The following ASXL3 variants were observed in gnomAD, a reference collection of about 807,000 sequenced individuals.
ASXL3 encodes the protein putative Polycomb group protein ASXL3.
Under a neutral mutation model 170.6 loss-of-function variants are expected in ASXL3, and 34 were observed. The ratio of observed to expected loss-of-function variants is 0.20; its 90% confidence interval spans 0.15 to 0.27. The LOEUF (loss-of-function observed/expected upper bound fraction) is 0.27. Ranked by LOEUF, ASXL3 falls within the 10% of genes least tolerant of loss-of-function variation. ASXL3 has a pLI of 1.00. For missense variants in ASXL3, 2,592 were observed against 2,695.3 expected (o/e 0.96, Z 0.85); for synonymous variants, 1,002 against 989.1 (o/e 1.01, Z -0.24).
intron 2 of ASXL3, among the ~76,000 whole-genome samples, chr18:33,613,676 T>C (rs1426520520): frequency 6.6e-6 from 1 of 152,130 alleles, no homozygotes; most frequent in Non-Finnish European, 1.5e-5. Context: ...CCCAACACTT[T>C]GGGAGGCCAA....
intron 7 of ASXL3, among the ~76,000 whole-genome samples, chr18:33,675,609 A>C (rs1038957769): frequency 3.9e-5 from 6 of 152,170 alleles, no homozygotes; most frequent in Non-Finnish European, 8.8e-5. Context: ...AAAGGATAGA[A>C]AATTCTTCTG....
intron 1 of ASXL3, among the ~76,000 whole-genome samples, chr18:33,593,853 T>C (rs1038531083): frequency 1.7e-4 from 26 of 152,202 alleles, no homozygotes; most frequent in African/African-American, 6.0e-4. Flanking sequence ...AATATTATTA[T>C]AGGTGAGGCT....
intron 8 of ASXL3, among the ~76,000 whole-genome samples, chr18:33,715,255 T>C (rs2067144870): frequency 6.6e-6 from 1 of 152,178 alleles, no homozygotes; most frequent in Admixed American, 6.5e-5. Context: ...CTTCCCAAAT[T>C]CCCTGTTCCT....
chr18:33,636,955 G>A (rs1421460524), intron 2 of ASXL3, among the ~76,000 whole-genome samples: 1 of 151,896 alleles, frequency 6.6e-6, no homozygotes, highest in Non-Finnish European at 1.5e-5. Context: ...TTTCAGATTT[G>A]GGCTACTCAA....
In ASXL3 at chr18:33,738,652, T is replaced by A. The variant is rs753869345; in HGVS notation, c.1248T>A (p.Pro416=). Reference sequence around the variant, plus strand: ...TGAAAAGCCCAGCTTCTCCAGAGCCTGGTTTCTGTGCTACTCTTTGCCCTA... The same window carrying A: ...TGAAAAGCCCAGCTTCTCCAGAGCCAGGTTTCTGTGCTACTCTTTGCCCTA... The part of the protein sequence containing the change: ...KSMKSPASPE[P]GFCATLCPMV... Residue 416 remains proline, a synonymous_variant, in exon 11 of 12, where the codon CCT becomes CCA. Transcript: ENST00000269197. The A allele has an allele frequency of 1.2e-6, 2 of 1,613,844 alleles. No individual in the cohort carries two copies. Among genetic ancestry groups the A allele is most frequent in the South Asian group, 1.1e-5 (1 of 91,090 alleles).
chr18:33,604,159 A>G (rs567269786), intron 1 of ASXL3, among the ~76,000 whole-genome samples: 179 of 152,204 alleles, frequency 1.2e-3, no homozygotes, highest in African/African-American at 4.2e-3. Context: ...AGGAGAAGCA[A>G]TTCACAATAT....
At chr18:33,654,057 T>A (rs2066044278) in intron 4 of ASXL3, among the ~76,000 whole-genome samples, 1 of 152,066 alleles carries the variant, frequency 6.6e-6, no homozygotes, top group African/African-American at 2.4e-5. Flanking sequence ...TGGATTTTGG[T>A]CAATTTTAAC....
intron 7 of ASXL3, among the ~76,000 whole-genome samples, chr18:33,678,487 C>T (rs1306602761): frequency 6.6e-6 from 1 of 152,188 alleles, no homozygotes; most frequent in Admixed American, 6.5e-5. Flanking sequence ...GCAACTTTCA[C>T]AAATTGTGGT....
At chr18:33,681,586 A>G (rs930473819) in intron 7 of ASXL3, among the ~76,000 whole-genome samples, 4 of 151,882 alleles carry the variant, frequency 2.6e-5, no homozygotes, top group Non-Finnish European at 5.9e-5. Flanking sequence ...TTTTTGTTAA[A>G]AATGGTTTTA....
chr18:33,697,001 G>C (rs1476826196), intron 8 of ASXL3, among the ~76,000 whole-genome samples: 1 of 151,988 alleles, frequency 6.6e-6, no homozygotes, highest in Non-Finnish European at 1.5e-5. Context: ...ATTTGTACAG[G>C]GTCAACAGAG....
intron 8 of ASXL3, among the ~76,000 whole-genome samples, chr18:33,690,989 C>G (rs1233137286): frequency 1.3e-5 from 2 of 152,192 alleles, no homozygotes; most frequent in African/African-American, 4.8e-5. Context: ...GTGATTCCCT[C>G]CTGGACTGTC....
In ASXL3 at chr18:33,661,721, A is replaced by C; in HGVS notation, c.461A>C (p.Lys154Thr). 1 of 1,612,904 alleles carries C rather than the reference A, an allele frequency of 6.2e-7. No individual in the cohort carries two copies. Among genetic ancestry groups the C allele is most frequent in the Non-Finnish European group, 8.5e-7 (1 of 1,179,412 alleles). ...KLVSSFQQHT[K>T]KALKQALRQQ... ...GTGTCTTCCTTCCAGCAGCACACCA[A>C]AAAGGCTCTTAAACAGGTAAGATAG... The change falls in exon 5 of 12, where the codon AAA (lysine) becomes ACA (threonine). Residue 154 changes from lysine (K) to threonine (T), a missense_variant. Physicochemically the swap from Lys to Thr is moderately conservative, Grantham distance 78 (BLOSUM62 -1). This residue lies in a region of ASXL3 where 251 missense variants were observed against 281.9 expected (regional missense o/e 0.89). Transcript: ENST00000269197.
Position 33,748,368 on chromosome 18 carries a change from ACAT to A in ASXL3, c.*1777_*1779del, listed in dbSNP as rs2067831219. 6.6e-6 allele frequency: 1 copy of A among 152,106 alleles called. No homozygotes were observed. The highest frequency in any genetic ancestry group is 1.9e-4 in the East Asian group (1 of 5,188). 9.4% of individuals were successfully genotyped at this position (152,106 alleles called of 1,614,324 possible). On this transcript the variant is annotated 3_prime_UTR_variant, in exon 12 of 12. Coordinates refer to ENST00000269197, the MANE Select transcript of ASXL3 (RefSeq NM_030632.3). ...AAATTTCTTTCTTTAGGTGATAGAGACATCATTTCGAATAACAAATTGCTGATA... is the reference window on the plus strand; with the variant it reads ...AAATTTCTTTCTTTAGGTGATAGAGACATTTCGAATAACAAATTGCTGATA...
chr18:33,742,410 G>A (rs909307048), intron 11 of ASXL3, among the ~76,000 whole-genome samples: 2 of 152,158 alleles, frequency 1.3e-5, no homozygotes, highest in Non-Finnish European at 2.9e-5. Flanking sequence ...GTTCCTTTGT[G>A]TAAAGTCAAA....
chr18:33,738,478 T>A lies in ASXL3; in HGVS notation c.1083-9T>A. The A allele has an allele frequency of 1.9e-6, 3 of 1,582,690 alleles. No individual in the cohort carries two copies. Among genetic ancestry groups the A allele is most frequent in the Non-Finnish European group, 2.6e-6 (3 of 1,165,170 alleles). On this transcript the variant is annotated splice_polypyrimidine_tract_variant and intron_variant, in intron 10 of 11. Transcript: ENST00000269197. ...GTTGAGCAATAATTTATTTCTAATT[T>A]CTGTACAGGCTGGGCATGTCAAGAG...
At chr18:33,733,647 T>C (rs528713140) in intron 9 of ASXL3, among the ~76,000 whole-genome samples, 3 of 152,316 alleles carry the variant, frequency 2.0e-5, no homozygotes, top group South Asian at 2.1e-4. Context: ...CTGTCTCTCA[T>C]AGAAAAATGA....
intron 8 of ASXL3, among the ~76,000 whole-genome samples, chr18:33,692,929 T>G (rs2066709286): frequency 6.6e-6 from 1 of 152,194 alleles, no homozygotes; most frequent in Admixed American, 6.5e-5. Context: ...CTCACAGTTC[T>G]TGAGGCTTGA....
At chr18:33,650,635 G>A (rs904657269) in intron 4 of ASXL3, among the ~76,000 whole-genome samples, 2 of 152,208 alleles carry the variant, frequency 1.3e-5, no homozygotes, top group South Asian at 2.1e-4. Context: ...CCAAAACAGG[G>A]ATAAGCAAAC....
Position 33,734,376 on chromosome 18 carries a change from C to G in ASXL3, c.1043C>G (p.Pro348Arg), listed in dbSNP as rs751842118. ...ATTGAGAAGGAAAAGAAAACAGAAC[C>G]TTGGAAAGAAAAATTCTTTGAGAGG... The part of the protein sequence containing the change: ...QEIEKEKKTE[P>R]WKEKFFERFY... The change falls in exon 10 of 12, where the codon CCT (proline) becomes CGT (arginine). Residue 348 changes from proline to arginine, a missense_variant. Around this residue, in one of 4 missense-constraint regions of ASXL3, gnomAD observed 73 missense variants for 142.7 expected, o/e 0.51. Transcript: ENST00000269197. The G allele has an allele frequency of 6.2e-7, 1 of 1,607,846 alleles. No individual in the cohort carries two copies. Among genetic ancestry groups the G allele is most frequent in the Admixed American group, 1.7e-5 (1 of 59,038 alleles).
Sources: allele counts gnomAD v4.1 joint callset (sites outside exome capture counted in the v4.1 genomes callset), GRCh38; gene constraint gnomAD v4.1.1; regional missense constraint gnomAD v4.1.1; transcripts MANE v1.5; gene names NCBI Gene and HGNC (gene_info 2026-07-23, HGNC 2026-07-21).